The following CYP2C18 variants were observed in gnomAD, a reference collection of about 807,000 sequenced individuals.
CYP2C18 encodes the protein cytochrome P450 family 2 subfamily C member 18.
In CYP2C18, 38 loss-of-function variants were observed where a neutral mutation model predicts 41.3. The ratio of observed to expected loss-of-function variants is 0.92; its 90% confidence interval spans 0.71 to 1.21. The LOEUF is 1.21. CYP2C18 is among the 50% of genes most tolerant of loss of function. The pLI is 0.00. For missense variants in CYP2C18, 635 were observed against 591.4 expected (o/e 1.07, Z -0.77); for synonymous variants, 236 against 210.0 (o/e 1.12, Z -1.07).
chr10:94,688,101 A>G, intron 2 of CYP2C18, 24 bp from the exon 3 acceptor site: 1 of 1,613,190 alleles, frequency 6.2e-7, no homozygotes, highest in African/African-American at 1.3e-5. Flanking sequence ...TCTCCCTCGT[A>G]GCTTCTGTTT....
At chr10:94,720,591 A>G (rs1847631061) in intron 6 of CYP2C18, 54 bp downstream of exon 6, 1 of 1,529,486 alleles carries the variant, frequency 6.5e-7, no homozygotes, top group African/African-American at 1.4e-5. Context: ...TGTTGGGAAG[A>G]CACTGCTATT....
Position 94,683,865 on chromosome 10 carries a change from C to CT in CYP2C18, c.47dup (p.Leu17ProfsTer32), listed in dbSNP as rs1564635684. The CT allele has an allele frequency of 3.1e-6, 5 of 1,610,744 alleles. No individual in the cohort carries two copies. The South Asian group carries it at 4.4e-5, about 14-fold the overall frequency. ...GGTGCTCTGTCTCTCCTGTTTGTTTCTCCTTTCACTCTGGAGGCAGAGCTC... is the reference window on the plus strand; with the variant it reads ...GGTGCTCTGTCTCTCCTGTTTGTTTCTTCCTTTCACTCTGGAGGCAGAGCTC... On this transcript the variant is annotated frameshift_variant, in exon 1 of 9. Coordinates refer to ENST00000285979, the MANE Select transcript of CYP2C18 (RefSeq NM_000772.3). LOFTEE classifies it high-confidence loss of function.
intron 1 of CYP2C18, among the ~76,000 whole-genome samples, chr10:94,686,002 A>C (rs1244555565): frequency 6.6e-6 from 1 of 152,088 alleles, no homozygotes; most frequent in Non-Finnish European, 1.5e-5. Flanking sequence ...TTTTTCCACT[A>C]TTAGTTTTTC....
At position 94,695,065 on chromosome 10, in the gene CYP2C18, T is replaced by TC; in HGVS notation, c.632dup (p.Trp212MetfsTer7). 6.2e-7 allele frequency: 1 copy of TC among 1,611,850 alleles called. No homozygotes were observed. The highest frequency in any genetic ancestry group is 8.5e-7 in the Non-Finnish European group (1 of 1,179,428). Reference sequence around the variant, plus strand: ...ATGAAAACCTCAGGATTCTGAGCTCTCCATGGATCCAGGTGAGATCAAGAG... The same window carrying TC: ...ATGAAAACCTCAGGATTCTGAGCTCTCCCATGGATCCAGGTGAGATCAAGAG... On this transcript the variant is annotated frameshift_variant, in exon 4 of 9. Transcript: ENST00000285979. LOFTEE classifies it high-confidence loss of function.
chr10:94,700,935 A>G (rs7923324), intron 4 of CYP2C18, among the ~76,000 whole-genome samples: 73,511 of 152,006 alleles, frequency 0.48, 18,716 homozygotes, highest in African/African-American at 0.63. Context: ...TCTCACACCA[A>G]TTAGAATGGT....
intron 4 of CYP2C18, among the ~76,000 whole-genome samples, chr10:94,706,481 A>G (rs564484146): frequency 5.0e-4 from 76 of 152,330 alleles, no homozygotes; most frequent in Admixed American, 1.9e-3. Context: ...ATGGCATTCT[A>G]TATTTCAAGG....
intron 4 of CYP2C18, among the ~76,000 whole-genome samples, chr10:94,705,232 G>A (rs1847320190): frequency 6.6e-6 from 1 of 152,176 alleles, no homozygotes; most frequent in Non-Finnish European, 1.5e-5. Flanking sequence ...GGAGCTGGAA[G>A]CCATTATCAT....
intron 3 of CYP2C18, among the ~76,000 whole-genome samples, chr10:94,690,817 T>G (rs1589792080): frequency 6.6e-6 from 1 of 152,122 alleles, no homozygotes; most frequent in Non-Finnish European, 1.5e-5. Context: ...CACAAAAAGC[T>G]TATCCACCAT....
In CYP2C18 at chr10:94,735,619, G is replaced by A; in HGVS notation, c.*175G>A. On this transcript the variant is annotated 3_prime_UTR_variant, in exon 9 of 9. Transcript: ENST00000285979. Reference sequence around the variant, plus strand: ...AACCTCCATTAAAGAGAGTTTCTTGGGTCACTTCCTAAATATATCTGCTAT... The same window carrying A: ...AACCTCCATTAAAGAGAGTTTCTTGAGTCACTTCCTAAATATATCTGCTAT... 1.6e-6 allele frequency: 1 copy of A among 642,364 alleles called. No homozygotes were observed. Among genetic ancestry groups the A allele is most frequent in the South Asian group, 2.0e-5 (1 of 50,456 alleles). 39.8% of individuals were successfully genotyped at this position (642,364 alleles called of 1,614,324 possible). A position where few individuals can be genotyped will look rare whatever the true frequency, so the allele number is the denominator to read the frequency against.
At chr10:94,728,718 A>C in intron 7 of CYP2C18, 1 of 421,764 alleles carries the variant, frequency 2.4e-6, no homozygotes, top group Non-Finnish European at 3.2e-6. Context: ...AACCCTATGA[A>C]CAGATTCCAA....
Position 94,688,127 on chromosome 10 carries a change from A to G in CYP2C18, c.334A>G (p.Ile112Val). ...GCTTCTGTTTTCTGTTCTGCTAGGA[A>G]TCCTTTTCAGCAATGGAAAGAGATG... Reference protein sequence around the residue: ...VAEKVNKGLGILFSNGKRWKE... With the variant: ...VAEKVNKGLGVLFSNGKRWKE... The change falls in exon 3 of 9, where the codon ATC (isoleucine) becomes GTC (valine). Residue 112 changes from isoleucine (I) to valine (V), a missense_variant and splice_region_variant. Transcript: ENST00000285979. The G allele has an allele frequency of 3.7e-6, 6 of 1,613,434 alleles. No individual in the cohort carries two copies. Among genetic ancestry groups the G allele is most frequent in the Non-Finnish European group, 4.2e-6 (5 of 1,179,740 alleles).
At chr10:94,720,265 A>G (rs1847625115) in intron 5 of CYP2C18, 131 bp from the exon 6 acceptor site, 1 of 688,086 alleles carries the variant, frequency 1.5e-6, no homozygotes, top group Non-Finnish European at 2.4e-6. Flanking sequence ...CAATTGTTGT[A>G]GTTTTAATAC....
Position 94,733,329 on chromosome 10 carries a change from G to A in CYP2C18, c.1182G>A (p.Val394=). 6.2e-7 allele frequency: 1 copy of A among 1,613,244 alleles called. No homozygotes were observed. Among genetic ancestry groups the A allele is most frequent in the Non-Finnish European group, 8.5e-7 (1 of 1,179,490 alleles). Residue 394 remains valine, a synonymous_variant, in exon 8 of 9, where the codon GTG becomes GTA. Coordinates refer to ENST00000285979, the MANE Select transcript of CYP2C18 (RefSeq NM_000772.3). ...CCATAATAACATCCCTGACTTCTGTGCTGCACAATGACAAAGAATTCCCCA... is the reference window on the plus strand; with the variant it reads ...CCATAATAACATCCCTGACTTCTGTACTGCACAATGACAAAGAATTCCCCA... ...GTTIITSLTS[V]LHNDKEFPNP...
intron 5 of CYP2C18, among the ~76,000 whole-genome samples, chr10:94,710,253 GA>G (rs1847412833): frequency 6.6e-6 from 1 of 152,236 alleles, no homozygotes; most frequent in South Asian, 2.1e-4. Context: ...TCACAGGAGT[GA>G]ACCACGCACC....
intron 5 of CYP2C18, among the ~76,000 whole-genome samples, chr10:94,720,157 A>G (rs1259198508): frequency 6.6e-6 from 1 of 152,292 alleles, no homozygotes; most frequent in East Asian, 1.9e-4. Context: ...TTCATGGCCA[A>G]CACAGCTCCA....
chr10:94,712,930 A>G (rs1038220740), intron 5 of CYP2C18, among the ~76,000 whole-genome samples: 4 of 152,032 alleles, frequency 2.6e-5, no homozygotes, highest in Non-Finnish European at 5.9e-5. Context: ...TAACTTTTTA[A>G]TGATTAGTGT....
intron 3 of CYP2C18, among the ~76,000 whole-genome samples, chr10:94,692,254 A>T (rs1247911179): frequency 1.3e-5 from 2 of 152,166 alleles, no homozygotes; most frequent in African/African-American, 2.4e-5. Context: ...TGAATGGGAG[A>T]AAAATTTTGC....
At chr10:94,695,454 C>A (rs1379781854) in intron 4 of CYP2C18, among the ~76,000 whole-genome samples, 1 of 152,094 alleles carries the variant, frequency 6.6e-6, no homozygotes, top group Non-Finnish European at 1.5e-5. Flanking sequence ...CATCCATGTC[C>A]CGGCCAAGGA....
At chr10:94,701,311 C>A (rs968000748) in intron 4 of CYP2C18, among the ~76,000 whole-genome samples, 1 of 152,146 alleles carries the variant, frequency 6.6e-6, no homozygotes, top group African/African-American at 2.4e-5. Context: ...GAGTTCATGT[C>A]CTTTGTAAGG....
Sources: allele counts gnomAD v4.1 joint callset (sites outside exome capture counted in the v4.1 genomes callset), GRCh38; gene constraint gnomAD v4.1.1; transcripts MANE v1.5; gene names NCBI Gene and HGNC (gene_info 2026-07-23, HGNC 2026-07-21).